ADAMTSL1: variants seen among roughly 807,000 people sequenced by gnomAD.
The protein encoded by ADAMTSL1 is ADAMTS like 1, also known as ADAMTS-like protein 1.
A neutral mutation model predicts 201.8 loss-of-function variants in ADAMTSL1; 126 were observed. That is an observed-to-expected ratio of 0.62 (90% CI 0.54 to 0.72). ADAMTSL1 has a LOEUF of 0.72. Among genes scored for constraint, ADAMTSL1 ranks in the 30% least tolerant of loss-of-function variants. The pLI, the probability that ADAMTSL1 is intolerant of heterozygous loss-of-function variation, is 0.00. For missense variants in ADAMTSL1, 2,679 were observed against 2,277.8 expected (o/e 1.18, Z -3.59); for synonymous variants, 1,121 against 903.4 (o/e 1.24, Z -4.32).
chr9:18,274,688 A>T lies in ADAMTSL1; in HGVS notation c.207+110707A>T, dbSNP rs1014110999. On this transcript the variant is annotated intron_variant, in intron 2 of 29. Coordinates refer to the ADAMTSL1 transcript ENST00000680146. Reference sequence around the variant, plus strand: ...TTTGGAAAAGGCATGATTTTCAACCACTTTTTCTAGCATTAAGACTAAAAT... The same window carrying T: ...TTTGGAAAAGGCATGATTTTCAACCTCTTTTTCTAGCATTAAGACTAAAAT... Among the ~76,000 whole-genome samples, 4 of 152,212 alleles carry T rather than the reference A, an allele frequency of 2.6e-5. No homozygotes were observed. In the South Asian group the frequency reaches 8.3e-4, roughly 32 times the overall value.
rs557302993 is a variant in ADAMTSL1, at chr9:18,169,536, G to A, written c.207+5555G>A. On this transcript the variant is annotated intron_variant, in intron 2 of 29. Transcript: ENST00000680146. The stretch of plus-strand genomic sequence containing the variant: ...CTGTTTTGGTTACTGTAGCCTTGTA[G>A]TATAGTTTGAAGTCAGGTAGTGTGA... Among the ~76,000 whole-genome samples, 5 of 152,218 alleles carry A rather than the reference G, an allele frequency of 3.3e-5. No individual in the cohort carries two copies. In the East Asian group the frequency reaches 9.7e-4, roughly 29 times the overall value.
intron 7 of ADAMTSL1, among the ~76,000 whole-genome samples, chr9:18,649,302 A>C (rs1587796405): frequency 6.6e-6 from 1 of 151,740 alleles, no homozygotes; most frequent in African/African-American, 2.4e-5. Context: ...AATTTTTTTC[A>C]AAGTTTTCAA....
rs891075184 is a variant in ADAMTSL1, at chr9:18,723,277, T to C, written c.2006+1612T>C. 1.5e-5 allele frequency: 9 copies of C among 593,162 alleles called. 1 individual carries two copies. In the South Asian group the frequency reaches 1.6e-4, roughly 11 times the overall value. 36.7% of individuals were successfully genotyped at this position (593,162 alleles called of 1,614,324 possible). ...CCTGCTGCTGTGTGCTAATCATTCCTGTAATTTCTGTTCTGCTTATTTGCC... is the reference window on the plus strand; with the variant it reads ...CCTGCTGCTGTGTGCTAATCATTCCCGTAATTTCTGTTCTGCTTATTTGCC... On this transcript the variant is annotated intron_variant, in intron 15 of 28. Transcript: ENST00000380548.
At chr9:18,014,889 C>T (rs1469036524) in intron 1 of ADAMTSL1, among the ~76,000 whole-genome samples, 2 of 151,966 alleles carry the variant, frequency 1.3e-5, no homozygotes, top group African/African-American at 4.8e-5. Flanking sequence ...GGGGGCTCCC[C>T]TTCTCTATTG....
intron 7 of ADAMTSL1, among the ~76,000 whole-genome samples, chr9:18,648,713 G>A (rs1251376807): frequency 6.6e-6 from 1 of 151,828 alleles, no homozygotes; most frequent in Admixed American, 6.6e-5. Context: ...TTGAATATTG[G>A]TCCCCACTGT....
rs1458593262 is a variant in ADAMTSL1, at chr9:18,551,174, T to C, written c.237+17882T>C. 4.6e-5 allele frequency among the ~76,000 whole-genome samples: 7 copies of C among 151,908 alleles called. No individual in the cohort carries two copies. The East Asian group carries it at 1.4e-3, about 29-fold the overall frequency. ...TCAATCCATATTCCCACCAGAATTA[T>C]ACTTGTTCTCTTTGCTTCATATCCT... On this transcript the variant is annotated intron_variant, in intron 3 of 28. Coordinates refer to ENST00000380548, the MANE Select transcript of ADAMTSL1 (RefSeq NM_001040272.6).
chr9:18,751,309 C>T (rs918275607), intron 15 of ADAMTSL1, among the ~76,000 whole-genome samples: 16 of 152,294 alleles, frequency 1.1e-4, no homozygotes, highest in African/African-American at 3.9e-4. Flanking sequence ...ATAGAGTTTT[C>T]AAGGTATTTT....
intron 1 of ADAMTSL1, among the ~76,000 whole-genome samples, chr9:18,501,749 G>T (rs993500061): frequency 3.0e-4 from 46 of 152,262 alleles, no homozygotes; most frequent in African/African-American, 1.0e-3. Context: ...CCATTGAAAT[G>T]AATTATGTTT....
At chr9:18,429,098 C>T (rs1819366674) in intron 2 of ADAMTSL1, among the ~76,000 whole-genome samples, 2 of 152,080 alleles carry the variant, frequency 1.3e-5, no homozygotes. Flanking sequence ...TAGTTCATAG[C>T]ATTTCTGAGT....
intron 1 of ADAMTSL1, among the ~76,000 whole-genome samples, chr9:18,474,856 T>C (rs567509368): frequency 6.6e-6 from 1 of 152,312 alleles, no homozygotes; most frequent in South Asian, 2.1e-4. Flanking sequence ...GATTTATGAA[T>C]TGAGGATTAT....
intron 24 of ADAMTSL1, 30 bp from the exon 25 acceptor site, chr9:18,889,538 T>C (rs1480719398): frequency 6.2e-7 from 1 of 1,609,966 alleles, no homozygotes; most frequent in Admixed American, 1.7e-5. Context: ...TGCTATATTC[T>C]TTTCTACACT....
intron 1 of ADAMTSL1, among the ~76,000 whole-genome samples, chr9:18,474,969 G>A (rs528153033): frequency 1.6e-4 from 25 of 152,282 alleles, no homozygotes; most frequent in African/African-American, 4.6e-4. Flanking sequence ...GCTCTTGAAC[G>A]TCAGTACACA....
chr9:18,407,220 A>G (rs1301910657), intron 2 of ADAMTSL1, among the ~76,000 whole-genome samples: 1 of 152,218 alleles, frequency 6.6e-6, no homozygotes. Context: ...AGCTTTACAG[A>G]GAAGACAGAC....
rs569851745 is a variant in ADAMTSL1 at position 18,814,909 on chromosome 9, C to T, written c.3806-2200C>T. Among the ~76,000 whole-genome samples the T allele has an allele frequency of 1.6e-4, 24 of 152,222 alleles. 1 individual carries two copies. Among genetic ancestry groups the T allele is most frequent in the Admixed American group, 3.3e-4 (5 of 15,290 alleles). ...AATAAGGGCAAAAGACCTGAATAGACGTTTCTCAAAAGAATACATACAAAT... is the reference window on the plus strand; with the variant it reads ...AATAAGGGCAAAAGACCTGAATAGATGTTTCTCAAAAGAATACATACAAAT... On this transcript the variant is annotated intron_variant, in intron 20 of 28. Transcript: ENST00000380548.
At chr9:18,459,571 A>G (rs1022545568) in intron 2 of ADAMTSL1, among the ~76,000 whole-genome samples, 1 of 152,300 alleles carries the variant, frequency 6.6e-6, no homozygotes, top group Admixed American at 6.5e-5. Context: ...CTTGCCTGCA[A>G]AAGAGCCCCA....
chr9:18,032,300 A>G (rs572131119), intron 1 of ADAMTSL1, among the ~76,000 whole-genome samples: 1 of 152,304 alleles, frequency 6.6e-6, no homozygotes, highest in South Asian at 2.1e-4. Flanking sequence ...ACCTTAGCTC[A>G]ATACCCCTCA....
intron 1 of ADAMTSL1, among the ~76,000 whole-genome samples, chr9:18,004,237 A>G (rs1586882188): frequency 6.6e-6 from 1 of 152,008 alleles, no homozygotes; most frequent in East Asian, 1.9e-4. Flanking sequence ...AAATATAAAG[A>G]CCAGAAATGT....
At chr9:18,133,487 C>T (rs1826033465) in intron 1 of ADAMTSL1, among the ~76,000 whole-genome samples, 1 of 152,120 alleles carries the variant, frequency 6.6e-6, no homozygotes, top group Non-Finnish European at 1.5e-5. Context: ...AAAAATCTGA[C>T]AACTAAGTAT....
chr9:18,230,196 A>C (rs1225564405), intron 2 of ADAMTSL1, among the ~76,000 whole-genome samples: 2 of 152,174 alleles, frequency 1.3e-5, no homozygotes, highest in African/African-American at 2.4e-5. Flanking sequence ...TGTAGATGCT[A>C]TCCATACCCC....
Sources: gnomAD v4.1 joint callset for allele counts (sites outside exome capture counted in the v4.1 genomes callset) on GRCh38, gnomAD v4.1.1 for gene constraint, MANE v1.5 for transcripts, NCBI Gene and HGNC (gene_info 2026-07-23, HGNC 2026-07-21) for gene names.